UPRT: variants seen among roughly 807,000 people sequenced by gnomAD.
UPRT encodes RP11-311P8.3.
In UPRT, 5 loss-of-function variants were observed where a neutral mutation model predicts 22.6. The observed-to-expected ratio is 0.22, with a 90% confidence interval of 0.12 to 0.47. The LOEUF (loss-of-function observed/expected upper bound fraction) is 0.47, where lower values mean the gene tolerates loss of function less well. Ranked by LOEUF, UPRT falls within the 20% of genes least tolerant of loss-of-function variation. The pLI is 0.99. For synonymous variants in UPRT, 77 were observed against 87.7 expected (o/e 0.88, Z 0.68); for missense variants, 181 against 239.9 (o/e 0.75, Z 1.62).
intron 4 of UPRT, among the ~76,000 whole-genome samples, chrX:75,241,682 A>G (rs1442131778): frequency 8.9e-6 from 1 of 112,016 alleles, no homozygotes; most frequent in Admixed American, 9.5e-5. Context: ...ATAAATGCCC[A>G]TCAACCAACG....
At chrX:75,206,238 A>G (rs1475978032) in intron 4 of UPRT, among the ~76,000 whole-genome samples, 1 of 111,007 alleles carries the variant, frequency 9.0e-6, no homozygotes, top group Non-Finnish European at 1.9e-5. Flanking sequence ...GAAAGCTTCT[A>G]TCCATCCAGA....
chrX:75,193,480 C>T (rs764568638), intron 4 of UPRT, among the ~76,000 whole-genome samples: 31 of 111,655 alleles, frequency 2.8e-4, no homozygotes, highest in Admixed American at 7.6e-4. Context: ...TGCAGGGCTT[C>T]TCTGCATTTC....
At chrX:75,214,269 A>G (rs181893592) in intron 4 of UPRT, among the ~76,000 whole-genome samples, 2 of 112,933 alleles carry the variant, frequency 1.8e-5, no homozygotes, top group East Asian at 5.5e-4. Context: ...TTATTGATAG[A>G]TGAATGGATA....
At chrX:75,302,488 C>T (rs894254991) in intron 6 of UPRT, among the ~76,000 whole-genome samples, 1 of 110,802 alleles carries the variant, frequency 9.0e-6, no homozygotes, top group African/African-American at 3.3e-5. Flanking sequence ...TTGTATTGGT[C>T]ATCTCTTAAG....
At position 75,195,514 on chromosome X, in the gene UPRT, C is replaced by G. The variant is rs758873122; in HGVS notation, c.-447+27635C>G. On this transcript the variant is annotated intron_variant, in intron 4 of 13. Coordinates refer to the UPRT transcript ENST00000652605. ...GCTCTCTCACCAAACCCTCAGAGCT[C>G]TGCACCAGCCAGAGTTCTGCCCCTG... is the stretch of plus-strand genomic sequence containing the variant. 1.7e-4 allele frequency among the ~76,000 whole-genome samples: 19 copies of G among 112,153 alleles called. No homozygotes were observed. In the East Asian group the frequency reaches 5.4e-3, roughly 32 times the overall value.
chrX:75,229,435 C>T (rs994549800), intron 4 of UPRT, among the ~76,000 whole-genome samples: 1 of 111,779 alleles, frequency 8.9e-6, no homozygotes, highest in African/African-American at 3.3e-5. Flanking sequence ...AATTCTTGCT[C>T]CAAGAACTAC....
At chrX:75,234,194 A>G (rs1451000585) in intron 4 of UPRT, among the ~76,000 whole-genome samples, 2 of 111,623 alleles carry the variant, frequency 1.8e-5, no homozygotes, top group African/African-American at 6.5e-5. Flanking sequence ...AAAGAAGGCC[A>G]TTACTCAATG....
chrX:75,193,984 A>T (rs749840179), intron 4 of UPRT, among the ~76,000 whole-genome samples: 16 of 112,062 alleles, frequency 1.4e-4, no homozygotes, highest in African/African-American at 5.2e-4. Flanking sequence ...CTGGTTAAGA[A>T]CTATTTCTGG....
intron 4 of UPRT, among the ~76,000 whole-genome samples, chrX:75,214,325 T>C (rs1165638442): frequency 8.9e-6 from 1 of 112,707 alleles, no homozygotes; most frequent in Non-Finnish European, 1.9e-5. Context: ...TTCAGACTTA[T>C]GAAAGAAGGA....
chrX:75,275,324 T>A (rs764484501), intron 1 of UPRT, among the ~76,000 whole-genome samples: 20 of 112,246 alleles, frequency 1.8e-4, no homozygotes, highest in Non-Finnish European at 3.6e-4. Flanking sequence ...ATTTTGAAAT[T>A]TCTAAACCTA....
chrX:75,234,289 G>T (rs2082451194), intron 4 of UPRT, among the ~76,000 whole-genome samples: 1 of 111,179 alleles, frequency 9.0e-6, no homozygotes, highest in African/African-American at 3.3e-5. Context: ...CATAAAGCAA[G>T]TCCTGAGTGA....
intron 4 of UPRT, among the ~76,000 whole-genome samples, chrX:75,222,467 C>T (rs912213337): frequency 1.8e-5 from 2 of 112,059 alleles, no homozygotes; most frequent in Non-Finnish European, 3.8e-5. Flanking sequence ...AGATGCCATC[C>T]AGGAGCTAGG....
chrX:75,218,327 A>G (rs1287166896), intron 4 of UPRT, among the ~76,000 whole-genome samples: 1 of 110,503 alleles, frequency 9.0e-6, no homozygotes, highest in Non-Finnish European at 1.9e-5. Flanking sequence ...GCAAATCAAA[A>G]CCACAATGAG....
At chrX:75,254,463 A>G (rs2082542470) in intron 4 of UPRT, among the ~76,000 whole-genome samples, 1 of 112,514 alleles carries the variant, frequency 8.9e-6, no homozygotes, top group African/African-American at 3.2e-5. Context: ...CTTTGAATTA[A>G]TCCAATGCAA....
At chrX:75,162,106 C>CTTTTTTTTTTTTT (rs5902736) in intron 2 of UPRT, among the ~76,000 whole-genome samples, 5 of 78,977 alleles carry the variant, frequency 6.3e-5, no homozygotes, top group African/African-American at 2.2e-4. Context: ...TCTTTCTTTT[C>CTTTTTTTTTTTTT]TTTTTTTTTT....
chrX:75,258,124 C>T (rs759489111), intron 4 of UPRT, among the ~76,000 whole-genome samples: 14 of 110,254 alleles, frequency 1.3e-4, no homozygotes, highest in Non-Finnish European at 1.7e-4. Context: ...GAGCCTATGC[C>T]ACCAGGGCCC....
At chrX:75,276,099 G>C (rs1425464097) in intron 1 of UPRT, among the ~76,000 whole-genome samples, 3 of 111,604 alleles carry the variant, frequency 2.7e-5, no homozygotes, top group African/African-American at 9.8e-5. Context: ...GGAATTCCCT[G>C]TGTCTCCTTT....
intron 1 of UPRT, among the ~76,000 whole-genome samples, chrX:75,278,797 T>C (rs1192277592): frequency 9.0e-6 from 1 of 111,513 alleles, no homozygotes; most frequent in Non-Finnish European, 1.9e-5. Flanking sequence ...TGTCAGTATG[T>C]GACATAGGAC....
chrX:75,253,318 A>G (rs939483699), intron 4 of UPRT, among the ~76,000 whole-genome samples: 1 of 112,461 alleles, frequency 8.9e-6, no homozygotes, highest in Non-Finnish European at 1.9e-5. Context: ...AATATTCAAC[A>G]TCACTGGTCA....
Sources: gnomAD v4.1 joint callset for allele counts (sites outside exome capture counted in the v4.1 genomes callset) on GRCh38, gnomAD v4.1.1 for gene constraint, MANE v1.5 for transcripts, NCBI Gene and HGNC (gene_info 2026-07-23, HGNC 2026-07-21) for gene names.